Variants in SLCO5A1 observed in about 807,000 individuals in gnomAD.
SLCO5A1 encodes the protein organic anion transporter polypeptide-related protein 4.
In SLCO5A1, 39 loss-of-function variants were observed where a neutral mutation model predicts 65.1. That is an observed-to-expected ratio of 0.60 (90% CI 0.46 to 0.78). The LOEUF (loss-of-function observed/expected upper bound fraction) is 0.78. Among genes scored for constraint, SLCO5A1 ranks in the 30% least tolerant of loss-of-function variants. SLCO5A1 has a pLI of 0.00. For synonymous variants in SLCO5A1, 438 were observed against 415.7 expected (o/e 1.05, Z -0.65); for missense variants, 1,029 against 1,069.4 (o/e 0.96, Z 0.53).
At chr8:69,793,798 T>TAAAC (rs1450223535) in intron 2 of SLCO5A1, among the ~76,000 whole-genome samples, 2 of 149,904 alleles carry the variant, frequency 1.3e-5, no homozygotes, top group Admixed American at 1.3e-4. Flanking sequence ...AATAAATAAA[T>TAAAC]AAATAAATAA....
Position 69,738,133 on chromosome 8 carries a change from C to T in SLCO5A1, c.1330G>A (p.Glu444Lys), listed in dbSNP as rs747861346. The T allele has an allele frequency of 1.2e-6, 2 of 1,613,914 alleles. No individual in the cohort carries two copies. The highest frequency in any genetic ancestry group is 2.2e-5 in the South Asian group (2 of 91,054). The stretch of plus-strand genomic sequence containing the variant: ...ATGAAAGCAGTTACAATGGCACTCT[C>T]AGCTGTGTATGACAAACTCACAAAA... ...FLFVSLSYTA[E>K]SAIVTAFITF... Residue 444 changes from glutamate to lysine, a missense_variant, in exon 5 of 10, where the codon GAG (glutamate) becomes AAG (lysine). Glu to Lys is a moderately conservative substitution (Grantham distance 56). Around this residue, in one of 3 missense-constraint regions of SLCO5A1, gnomAD observed 647 missense variants for 647.5 expected, o/e 1.00. Coordinates refer to ENST00000260126, the MANE Select transcript of SLCO5A1 (RefSeq NM_030958.3).
At chr8:69,719,390 A>G (rs1385272823) in intron 5 of SLCO5A1, among the ~76,000 whole-genome samples, 2 of 152,214 alleles carry the variant, frequency 1.3e-5, no homozygotes, top group African/African-American at 4.8e-5. Context: ...CATCAACCCT[A>G]CTGTCTATGA....
intron 5 of SLCO5A1, among the ~76,000 whole-genome samples, chr8:69,717,290 G>A (rs1815594770): frequency 6.6e-6 from 1 of 152,160 alleles, no homozygotes; most frequent in South Asian, 2.1e-4. Context: ...ATGAGGTAGG[G>A]GGTCCAACTT....
chr8:69,831,499 G>A (rs867863218), intron 2 of SLCO5A1, among the ~76,000 whole-genome samples: 22 of 152,112 alleles, frequency 1.4e-4, no homozygotes, highest in African/African-American at 4.8e-4. Flanking sequence ...GCAACAGAGA[G>A]AAGCATCACC....
intron 2 of SLCO5A1, among the ~76,000 whole-genome samples, chr8:69,792,693 T>C (rs554550518): frequency 1.3e-5 from 2 of 152,268 alleles, no homozygotes; most frequent in South Asian, 4.1e-4. Context: ...TTCATAAGAC[T>C]TGATAAGTTA....
intron 2 of SLCO5A1, among the ~76,000 whole-genome samples, chr8:69,820,419 G>C (rs2380604): frequency 6.6e-6 from 1 of 152,044 alleles, no homozygotes; most frequent in Non-Finnish European, 1.5e-5. Context: ...TATGGTTCCA[G>C]AGAACACTGA....
chr8:69,803,328 A>C (rs1193959491), intron 2 of SLCO5A1, among the ~76,000 whole-genome samples: 1 of 152,150 alleles, frequency 6.6e-6, no homozygotes, highest in Non-Finnish European at 1.5e-5. Context: ...GAGGCAGGAG[A>C]ATCACTTGAA....
chr8:69,710,239 G>A (rs1815177545), intron 5 of SLCO5A1, among the ~76,000 whole-genome samples: 1 of 151,976 alleles, frequency 6.6e-6, no homozygotes, highest in Non-Finnish European at 1.5e-5. Flanking sequence ...GGCTGTTCTC[G>A]AACTCCTGAC....
intron 5 of SLCO5A1, among the ~76,000 whole-genome samples, chr8:69,724,840 T>A (rs1815992382): frequency 6.6e-6 from 1 of 152,196 alleles, no homozygotes; most frequent in Non-Finnish European, 1.5e-5. Flanking sequence ...GAACAGTTTG[T>A]CACTAGCCGC....
intron 5 of SLCO5A1, among the ~76,000 whole-genome samples, chr8:69,730,920 G>A (rs1454741889): frequency 6.6e-6 from 1 of 152,132 alleles, no homozygotes; most frequent in Admixed American, 6.5e-5. Context: ...AAGCATGTGA[G>A]ATGGCTTGAA....
intron 6 of SLCO5A1, among the ~76,000 whole-genome samples, chr8:69,690,239 C>G (rs1266001166): frequency 6.6e-6 from 1 of 152,198 alleles, no homozygotes; most frequent in Non-Finnish European, 1.5e-5. Context: ...ATGCGCGTCA[C>G]TAATTAGATG....
intron 4 of SLCO5A1, among the ~76,000 whole-genome samples, chr8:69,755,016 TTA>T (rs1265634289): frequency 2.0e-5 from 3 of 152,158 alleles, no homozygotes; most frequent in African/African-American, 7.2e-5. Flanking sequence ...TTTTAATATT[TTA>T]AAAATCAGAC....
rs758799500 is a variant in SLCO5A1 at position 69,831,810 on chromosome 8, G to T, written c.864C>A (p.Tyr288Ter). The change falls in exon 2 of 10, where the codon TAC becomes TAA. Residue 288 changes from tyrosine to a stop codon, truncating the protein, a stop_gained. Coordinates refer to ENST00000260126, the MANE Select transcript of SLCO5A1 (RefSeq NM_030958.3). LOFTEE classifies it high-confidence loss of function. The part of the protein sequence containing the change: ...STPIYTLGPT[Y>*]LDDNVKKENS... The stretch of plus-strand genomic sequence containing the variant: ...TTTCTTTCTTGACATTGTCATCTAA[G>T]TAGGTTGGTCCCAGGGTATAAATAG... The T allele has an allele frequency of 6.2e-7, 1 of 1,614,150 alleles. No individual in the cohort carries two copies. Among genetic ancestry groups the T allele is most frequent in the Non-Finnish European group, 8.5e-7 (1 of 1,180,038 alleles).
intron 6 of SLCO5A1, among the ~76,000 whole-genome samples, chr8:69,688,305 C>T (rs1279293497): frequency 1.3e-5 from 2 of 151,810 alleles, no homozygotes; most frequent in Non-Finnish European, 2.9e-5. Context: ...GTAATATCTA[C>T]AATAAATGAT....
At chr8:69,679,302 A>T in intron 8 of SLCO5A1, 76 bp downstream of exon 8, 1 of 1,578,436 alleles carries the variant, frequency 6.3e-7, no homozygotes, top group Non-Finnish European at 8.6e-7. Flanking sequence ...TTACCACATA[A>T]GCCCCTTGTC....
chr8:69,816,457 G>C (rs1349506099), intron 2 of SLCO5A1, among the ~76,000 whole-genome samples: 1 of 152,180 alleles, frequency 6.6e-6, no homozygotes, highest in African/African-American at 2.4e-5. Flanking sequence ...GGATCGGGCA[G>C]CTGTGGGACC....
intron 6 of SLCO5A1, among the ~76,000 whole-genome samples, chr8:69,686,735 G>A (rs535147924): frequency 6.6e-6 from 1 of 152,256 alleles, no homozygotes; most frequent in South Asian, 2.1e-4. Context: ...GGGAAGCTTT[G>A]TGTAACTGTC....
At chr8:69,742,675 G>T (rs1465163093) in intron 4 of SLCO5A1, among the ~76,000 whole-genome samples, 1 of 151,974 alleles carries the variant, frequency 6.6e-6, no homozygotes, top group Non-Finnish European at 1.5e-5. Context: ...CACGGACCTG[G>T]TGTTAAATTG....
chr8:69,732,768 A>G (rs1816390282), intron 5 of SLCO5A1, among the ~76,000 whole-genome samples: 1 of 152,168 alleles, frequency 6.6e-6, no homozygotes, highest in Admixed American at 6.5e-5. Flanking sequence ...GCATGCCTGT[A>G]GTCCCAGCTA....
Sources: gnomAD v4.1 joint callset for allele counts (sites outside exome capture counted in the v4.1 genomes callset) on GRCh38, gnomAD v4.1.1 for gene constraint, gnomAD v4.1.1 regional missense constraint, MANE v1.5 for transcripts, NCBI Gene and HGNC (gene_info 2026-07-23, HGNC 2026-07-21) for gene names.